The following MLLT10 variants were observed in gnomAD, a reference collection of about 807,000 sequenced individuals.
MLLT10 encodes protein AF-10.
Under a neutral mutation model 129.1 loss-of-function variants are expected in MLLT10, and 30 were observed. The ratio of observed to expected loss-of-function variants is 0.23; its 90% CI spans 0.17 to 0.32. The LOEUF is 0.32. Among genes scored for constraint, MLLT10 ranks in the 10% least tolerant of loss-of-function variants. The pLI is 1.00. For missense variants in MLLT10, 1,119 were observed against 1,268.3 expected, an observed-to-expected ratio of 0.88 and a Z score of 1.79; for synonymous variants, 490 against 446.4, an observed-to-expected ratio of 1.10 and a Z score of -1.23.
At position 21,734,118 on chromosome 10, in the gene MLLT10, A is replaced by G. The variant is rs372731271; in HGVS notation, c.2847A>G (p.Thr949=). 2 of 1,604,370 alleles carry G rather than the reference A, an allele frequency of 1.2e-6. No homozygotes were observed. Among genetic ancestry groups the G allele is most frequent in the East Asian group, 2.2e-5 (1 of 44,758 alleles). The part of the protein sequence containing the change: ...PPNATHPMPA[T]LTNSASGLGL... ...ATGCAACACATCCAATGCCAGCTACACTGACTAACAGGTAAGAAACTTAAG... is the reference window on the plus strand; with the variant it reads ...ATGCAACACATCCAATGCCAGCTACGCTGACTAACAGGTAAGAAACTTAAG... The change falls in exon 20 of 23, where the codon ACA becomes ACG. Residue 949 remains threonine, a synonymous_variant. Transcript: ENST00000307729.
intron 8 of MLLT10, among the ~76,000 whole-genome samples, chr10:21,620,686 A>C (rs1564521926): frequency 6.6e-6 from 1 of 151,770 alleles, no homozygotes; most frequent in African/African-American, 2.4e-5. Context: ...CAATTTTAAA[A>C]TTGTTTGTTC....
chr10:21,728,432 A>G (rs574089470), intron 16 of MLLT10, among the ~76,000 whole-genome samples: 1 of 152,348 alleles, frequency 6.6e-6, no homozygotes, highest in East Asian at 1.9e-4. Flanking sequence ...GACAGTATTC[A>G]GGTACCATTT....
At chr10:21,618,634 C>CATTT (rs1204394594) in intron 8 of MLLT10, among the ~76,000 whole-genome samples, 3 of 151,778 alleles carry the variant, frequency 2.0e-5, no homozygotes, top group Non-Finnish European at 2.9e-5. Context: ...TGTTGTTTGG[C>CATTT]ATTTATTTAT....
At chr10:21,586,005 C>T (rs1411236475) in intron 3 of MLLT10, among the ~76,000 whole-genome samples, 4 of 152,198 alleles carry the variant, frequency 2.6e-5, no homozygotes, top group Non-Finnish European at 5.9e-5. Flanking sequence ...AGCTAATCCG[C>T]CTGCCTCAGC....
rs143702086 is a variant in MLLT10, at chr10:21,554,248, T to C, written c.240+15336T>C. Among the ~76,000 whole-genome samples the C allele has an allele frequency of 9.8e-5, 15 of 152,332 alleles. No individual in the cohort carries two copies. In the East Asian group the frequency reaches 2.7e-3, roughly 27 times the overall value. ...AATCTGATCCTATAATTTTTGTATT[T>C]TCTGTTTCAGTTCTTTAACTCTTTT... On this transcript the variant is annotated intron_variant, in intron 3 of 22. Transcript: ENST00000307729.
chr10:21,546,308 G>T (rs1360881920), intron 3 of MLLT10, among the ~76,000 whole-genome samples: 1 of 152,108 alleles, frequency 6.6e-6, no homozygotes, highest in East Asian at 1.9e-4. Context: ...GAACTCCTGG[G>T]CTCTAGTAGT....
At chr10:21,714,933 C>G (rs1316380168) in intron 14 of MLLT10, among the ~76,000 whole-genome samples, 1 of 152,094 alleles carries the variant, frequency 6.6e-6, no homozygotes, top group African/African-American at 2.4e-5. Flanking sequence ...ATTACACCCC[C>G]CTTCCCCAAA....
chr10:21,625,070 A>G (rs1431087110), intron 8 of MLLT10: 1 of 864,674 alleles, frequency 1.2e-6, no homozygotes, highest in Non-Finnish European at 1.9e-6. Context: ...TCATAACTGT[A>G]GTAATCTTCA....
At chr10:21,560,338 G>A (rs2038646522) in intron 3 of MLLT10, among the ~76,000 whole-genome samples, 1 of 152,162 alleles carries the variant, frequency 6.6e-6, no homozygotes, top group South Asian at 2.1e-4. Flanking sequence ...GTTTTTCACA[G>A]AGACTTCAGC....
At chr10:21,717,678 TCCTCCTCCTCC>T in intron 14 of MLLT10, among the ~76,000 whole-genome samples, 4 of 99,620 alleles carry the variant, frequency 4.0e-5, no homozygotes, top group African/African-American at 1.8e-4. Flanking sequence ...CTCCTCCTCT[TCCTCCTCCTCC>T]TCCTCCTCCT....
chr10:21,551,825 C>T (rs1172497799), intron 3 of MLLT10: 9 of 409,168 alleles, frequency 2.2e-5, no homozygotes, highest in Non-Finnish European at 3.3e-5. Flanking sequence ...GGCAGAGTCT[C>T]GCTCTGTTGC....
At chr10:21,626,148 A>G (rs1241830368) in intron 8 of MLLT10, 10 of 1,610,176 alleles carry the variant, frequency 6.2e-6, no homozygotes, top group African/African-American at 2.7e-5. Flanking sequence ...ATAACTCCAC[A>G]TAAAAATGCA....
chr10:21,621,988 A>G (rs1027213392), intron 8 of MLLT10, among the ~76,000 whole-genome samples: 4 of 152,184 alleles, frequency 2.6e-5, no homozygotes, highest in African/African-American at 9.6e-5. Context: ...GGAAAAATTT[A>G]AAAATATATA....
At chr10:21,549,721 G>C (rs1416553052) in intron 3 of MLLT10, among the ~76,000 whole-genome samples, 1 of 150,092 alleles carries the variant, frequency 6.7e-6, no homozygotes, top group African/African-American at 2.5e-5. Context: ...GAATGCAGTG[G>C]CCGCGATCCT....
intron 3 of MLLT10, among the ~76,000 whole-genome samples, chr10:21,540,619 T>C (rs1161929490): frequency 1.3e-5 from 2 of 152,194 alleles, no homozygotes; most frequent in Non-Finnish European, 2.9e-5. Context: ...TCTGAAAATA[T>C]CAGAAATAGA....
At chr10:21,562,086 G>A (rs1458640784) in intron 3 of MLLT10, among the ~76,000 whole-genome samples, 19 of 152,120 alleles carry the variant, frequency 1.2e-4, no homozygotes, top group African/African-American at 4.6e-4. Context: ...GATTACAGGC[G>A]TGAGCCACTG....
intron 14 of MLLT10, 55 bp from the exon 15 acceptor site, chr10:21,726,189 C>A: frequency 8.2e-7 from 1 of 1,213,456 alleles, no homozygotes; most frequent in Admixed American, 2.0e-5. Context: ...GAAGGGAAAA[C>A]TTTTAATATA....
intron 13 of MLLT10, among the ~76,000 whole-genome samples, chr10:21,710,041 C>G (rs1179401126): frequency 6.6e-6 from 1 of 152,216 alleles, no homozygotes; most frequent in Non-Finnish European, 1.5e-5. Context: ...TTGCACCAGG[C>G]CATTCCTTTG....
At chr10:21,676,459 G>C (rs1198313599) in intron 11 of MLLT10, among the ~76,000 whole-genome samples, 1 of 149,128 alleles carries the variant, frequency 6.7e-6, no homozygotes, top group Non-Finnish European at 1.5e-5. Context: ...GGTGACTTAC[G>C]CCTGTAATCC....
Sources: allele counts gnomAD v4.1 joint callset (sites outside exome capture counted in the v4.1 genomes callset), GRCh38; gene constraint gnomAD v4.1.1; transcripts MANE v1.5; gene names NCBI Gene and HGNC (gene_info 2026-07-23, HGNC 2026-07-21).